The following CEP72 variants were observed in gnomAD, a reference collection of about 807,000 sequenced individuals.
CEP72 encodes the protein centrosomal protein 72.
In CEP72, 78 loss-of-function variants were observed where a neutral mutation model predicts 65.7. The observed-to-expected ratio is 1.19, with a 90% CI of 0.99 to 1.43. The LOEUF (loss-of-function observed/expected upper bound fraction) is 1.43. Among genes scored for constraint, CEP72 ranks in the 40% most tolerant of loss-of-function variants. The pLI, the probability that CEP72 is intolerant of heterozygous loss-of-function variation, is 0.00. For synonymous variants in CEP72, 358 were observed against 351.7 expected (o/e 1.02, Z -0.20); for missense variants, 914 against 832.9 (o/e 1.10, Z -1.20).
At chr5:670,939 T>A (rs1740199283), downstream of CEP72, among the ~76,000 whole-genome samples, 1 of 152,192 alleles carries the variant, frequency 6.6e-6, no homozygotes, top group South Asian at 2.1e-4. Flanking sequence ...ACCGGAGCCC[T>A]TCCTGCACCC....
chr5:640,950 G>A (rs1317022961), intron 9 of CEP72: 6 of 985,342 alleles, frequency 6.1e-6, no homozygotes, highest in African/African-American at 5.2e-5. Context: ...GGGGAAAACC[G>A]AGGCCACTCT....
intron 9 of CEP72, chr5:643,083 A>G (rs1230079216): frequency 8.1e-6 from 8 of 981,974 alleles, no homozygotes; most frequent in Non-Finnish European, 8.5e-6. Context: ...GTGTGGTGGC[A>G]CACTCCTGTC....
Position 642,170 on chromosome 5 carries a change from G to A in CEP72, c.1539+1566G>A. On this transcript the variant is annotated intron_variant, in intron 9 of 11. Transcript: ENST00000264935. ...AACACACGTGGTCCCCCGTCTAGAAGCCTCTGCATTTAAACACACGTGGTC... is the reference window on the plus strand; with the variant it reads ...AACACACGTGGTCCCCCGTCTAGAAACCTCTGCATTTAAACACACGTGGTC... The A allele has an allele frequency of 5.5e-6, 5 of 907,794 alleles. 1 individual carries two copies. The highest frequency in any genetic ancestry group is 6.6e-6 in the Non-Finnish European group (5 of 762,150). The allele number at this position is 907,794 out of a possible 1,614,324, so 56.2% of individuals were successfully genotyped here.
rs748925603 is a variant in CEP72 at position 633,946 on chromosome 5, A to G, written c.690A>G (p.Gln230=). 2 of 1,611,104 alleles carry G rather than the reference A, an allele frequency of 1.2e-6. No individual in the cohort carries two copies. The highest frequency in any genetic ancestry group is 2.2e-5 in the East Asian group (1 of 44,890). The stretch of plus-strand genomic sequence containing the variant: ...GTGAGGCCGACTCTCGTGGTTCCCA[A>G]GGTGCGCTGCTCATCTGCCAGGAGG... ...KGREADSRGS[Q]ESRHLLSPQL... is the part of the protein sequence containing the mutation. The change falls in exon 5 of 12, where the codon CAA becomes CAG. Residue 230 remains glutamine, a splice_region_variant and synonymous_variant. Coordinates refer to ENST00000264935, the MANE Select transcript of CEP72 (RefSeq NM_018140.4).
chr5:626,360 C>A (rs758842100), intron 4 of CEP72, among the ~76,000 whole-genome samples: 8 of 152,202 alleles, frequency 5.3e-5, no homozygotes, highest in Non-Finnish European at 8.8e-5. Context: ...GCCTGCTGGC[C>A]ATGGATGATA....
chr5:652,267 A>G (rs1739160323), intron 11 of CEP72, among the ~76,000 whole-genome samples: 1 of 152,220 alleles, frequency 6.6e-6, no homozygotes, highest in Non-Finnish European at 1.5e-5. Flanking sequence ...CCCAGGATTC[A>G]TGCTGGCTTC....
intron 11 of CEP72, among the ~76,000 whole-genome samples, chr5:649,067 G>A (rs1738690791): frequency 1.0e-5 from 1 of 95,614 alleles, no homozygotes; most frequent in East Asian, 4.5e-4. Flanking sequence ...GTGAGGTGTG[G>A]ACTGTGAGGT....
chr5:638,699 C>T (rs943434734), intron 7 of CEP72, among the ~76,000 whole-genome samples: 1 of 152,126 alleles, frequency 6.6e-6, no homozygotes, highest in Non-Finnish European at 1.5e-5. Context: ...CTGGGGACAG[C>T]GCCTGGCACC....
At chr5:648,957 G>A (rs1233881950) in intron 11 of CEP72, among the ~76,000 whole-genome samples, 2 of 140,826 alleles carry the variant, frequency 1.4e-5, no homozygotes, top group African/African-American at 2.7e-5. Context: ...GTGTGACCAC[G>A]AGGCATGGAC....
At chr5:616,602 C>G (rs1228280559) in intron 1 of CEP72, among the ~76,000 whole-genome samples, 1 of 152,032 alleles carries the variant, frequency 6.6e-6, no homozygotes, top group Non-Finnish European at 1.5e-5. Context: ...GAGAAGACTC[C>G]TCACTCGAGC....
downstream of CEP72, among the ~76,000 whole-genome samples, chr5:671,812 G>GTA (rs892060299): frequency 6.6e-6 from 1 of 151,334 alleles, no homozygotes; most frequent in African/African-American, 2.5e-5. Context: ...CAGAGCCGCC[G>GTA]AGTGCAAGCC....
chr5:665,280 G>C (rs904005324), exon 3 of CEP72: 1 of 1,613,218 alleles, frequency 6.2e-7, no homozygotes, highest in African/African-American at 1.3e-5. Flanking sequence ...CGACACTGTG[G>C]GCGACGAGAT....
At chr5:667,581 C>T (rs374703729), downstream of CEP72, among the ~76,000 whole-genome samples, 17 of 151,792 alleles carry the variant, frequency 1.1e-4, no homozygotes, top group East Asian at 2.3e-3. Context: ...TCAAAACGTT[C>T]GAAACTCTGC....
Position 626,052 on chromosome 5 carries a change from G to T in CEP72, c.512+1473G>T, listed in dbSNP as rs796421646. Among the ~76,000 whole-genome samples, 8 of 144,660 alleles carry T rather than the reference G, an allele frequency of 5.5e-5. No homozygotes were observed. The East Asian group carries it at 1.2e-3, about 21-fold the overall frequency. 94.9% of individuals were successfully genotyped at this position (144,660 alleles called of 152,430 possible). A position where few individuals can be genotyped will look rare whatever the true frequency, so the allele number is the denominator to read the frequency against. On this transcript the variant is annotated intron_variant, in intron 4 of 11. Coordinates refer to ENST00000264935, the MANE Select transcript of CEP72 (RefSeq NM_018140.4). ...ACATGTCTTTTGGGTGGGGGGCAGG[G>T]GGGGGCGGCACAGTGCGCCACTCCT...
chr5:667,494 TG>T (rs1439636356), downstream of CEP72, among the ~76,000 whole-genome samples: 3 of 152,150 alleles, frequency 2.0e-5, no homozygotes, highest in East Asian at 5.8e-4. Context: ...CTCTGTGACC[TG>T]GGGTTAGGCG....
chr5:643,589 C>G, intron 9 of CEP72: 1 of 985,378 alleles, frequency 1.0e-6, no homozygotes, highest in Non-Finnish European at 1.2e-6. Flanking sequence ...CGCTCCCTCC[C>G]CTGGTGGCAG....
intron 11 of CEP72, 108 bp downstream of exon 11, chr5:648,024 CA>C: frequency 1.5e-6 from 1 of 668,836 alleles, no homozygotes; most frequent in Non-Finnish European, 2.6e-6. Flanking sequence ...AGCAGCTCCT[CA>C]TGAGTCTTGG....
rs768374240 is a variant in CEP72 at position 644,459 on chromosome 5, C to T, written c.1666+34C>T. 6.2e-6 allele frequency: 10 copies of T among 1,609,174 alleles called. No homozygotes were observed. The Admixed American group carries it at 1.5e-4, about 24-fold the overall frequency. On this transcript the variant is annotated intron_variant, in intron 10 of 11. Transcript: ENST00000264935. ...ATCGTGTATTTGGTCACTTTGTAAA[C>T]TTTAGGTGTTCAAATGTGCCTAGGT...
rs565845855 is a variant in CEP72 at position 620,332 on chromosome 5, G to T, written c.403+71G>T. On this transcript the variant is annotated intron_variant, in intron 3 of 11. Coordinates refer to ENST00000264935, the MANE Select transcript of CEP72 (RefSeq NM_018140.4). ...TATGGGAGTCGGGGAGTCGTAGTGGGTGTCTGTGTGCTCAACGTCACATGC... is the reference window on the plus strand; with the variant it reads ...TATGGGAGTCGGGGAGTCGTAGTGGTTGTCTGTGTGCTCAACGTCACATGC... 1.2e-5 allele frequency: 16 copies of T among 1,318,504 alleles called. No individual in the cohort carries two copies. In the South Asian group the frequency reaches 1.6e-4, roughly 13 times the overall value. The allele number at this position is 1,318,504 out of a possible 1,614,324, so 81.7% of individuals were successfully genotyped here.
Sources: allele counts gnomAD v4.1 joint callset (sites outside exome capture counted in the v4.1 genomes callset), GRCh38; gene constraint gnomAD v4.1.1; transcripts MANE v1.5; gene names NCBI Gene and HGNC (gene_info 2026-07-23, HGNC 2026-07-21).